PLXNA4: variants seen among roughly 807,000 people sequenced by gnomAD.
The protein encoded by PLXNA4 is plexin A4, also known as plexin-A4.
A neutral mutation model predicts 191.8 loss-of-function variants in PLXNA4; 44 were observed. That is an observed-to-expected ratio of 0.23 (90% CI 0.18 to 0.29). The LOEUF (loss-of-function observed/expected upper bound fraction) is 0.29. Among genes scored for constraint, PLXNA4 ranks in the 10% least tolerant of loss-of-function variants. PLXNA4 has a pLI of 1.00. For synonymous variants in PLXNA4, 1,082 were observed against 1,009.5 expected, an observed-to-expected ratio of 1.07 and a Z score of -1.36; for missense variants, 1,800 against 2,488.8, an observed-to-expected ratio of 0.72 and a Z score of 5.89.
intron 3 of PLXNA4, among the ~76,000 whole-genome samples, chr7:132,418,448 C>A (rs1187856669): frequency 6.6e-6 from 1 of 152,202 alleles, no homozygotes; most frequent in Non-Finnish European, 1.5e-5. Context: ...GGATCCAGCC[C>A]AGCTTAGCTC....
chr7:132,456,026 G>A (rs1052012232), intron 3 of PLXNA4, among the ~76,000 whole-genome samples: 3 of 152,208 alleles, frequency 2.0e-5, no homozygotes, highest in Non-Finnish European at 2.9e-5. Context: ...ACAGGGCGCC[G>A]GTGGGAGGGC....
At chr7:132,381,974 T>C (rs1804913083) in intron 3 of PLXNA4, among the ~76,000 whole-genome samples, 1 of 152,112 alleles carries the variant, frequency 6.6e-6, no homozygotes, top group South Asian at 2.1e-4. Context: ...CCAGTTTCTC[T>C]CAATCAATTA....
At chr7:132,469,286 T>C (rs1169607778) in intron 3 of PLXNA4, among the ~76,000 whole-genome samples, 1 of 152,164 alleles carries the variant, frequency 6.6e-6, no homozygotes, top group Non-Finnish European at 1.5e-5. Flanking sequence ...TTAGGGTAAA[T>C]TGGAGCAAAA....
At chr7:132,421,777 A>T (rs113756483) in intron 3 of PLXNA4, among the ~76,000 whole-genome samples, 240 of 152,270 alleles carry the variant, frequency 1.6e-3, no homozygotes, top group East Asian at 4.6e-3. Context: ...TAGTATCCCA[A>T]ATAAACCCTA....
intron 4 of PLXNA4, among the ~76,000 whole-genome samples, chr7:132,250,596 T>C (rs866212889): frequency 2.3e-4 from 35 of 152,178 alleles, no homozygotes; most frequent in Non-Finnish European, 1.0e-4. Context: ...CTTCCAGGGC[T>C]GCGGGGTTGC....
intron 5 of PLXNA4, among the ~76,000 whole-genome samples, chr7:132,235,728 T>C (rs1384177888): frequency 6.6e-6 from 1 of 152,128 alleles, no homozygotes; most frequent in Non-Finnish European, 1.5e-5. Context: ...CTGCTGAGAC[T>C]GAGACAGGCT....
At position 132,146,704 on chromosome 7, in the gene PLXNA4, C is replaced by T. The variant is rs1207057945; in HGVS notation, c.4865-4G>A. Reference sequence around the variant, plus strand: ...CCCGTGTACCGGATCATGTTTTCTGCCAAGGCAAGGATCACCCCCCGACAT... The same window carrying T: ...CCCGTGTACCGGATCATGTTTTCTGTCAAGGCAAGGATCACCCCCCGACAT... On this transcript the variant is annotated splice_region_variant and splice_polypyrimidine_tract_variant and intron_variant, in intron 27 of 31. Transcript: ENST00000321063. 4.3e-6 allele frequency: 7 copies of T among 1,613,730 alleles called. No homozygotes were observed. Among genetic ancestry groups the T allele is most frequent in the African/African-American group, 1.3e-5 (1 of 74,934 alleles).
In PLXNA4 at chr7:132,594,949, AG is replaced by A. The variant is rs1249213674; in HGVS notation, c.-87+50978del. ...TAGATAGATAGATAGATAGATAGAT[AG>A]ATAGATAGATAGATAATTGATAGAT... is the stretch of plus-strand genomic sequence containing the variant. On this transcript the variant is annotated intron_variant, in intron 2 of 4. Coordinates refer to the PLXNA4 transcript ENST00000378539. 7.6e-4 allele frequency among the ~76,000 whole-genome samples: 100 copies of A among 131,526 alleles called. 1 individual carries two copies. The highest frequency in any genetic ancestry group is 2.2e-3 in the African/African-American group (79 of 36,194). The allele number at this position is 131,526 out of a possible 152,430, so 86.3% of individuals were successfully genotyped here.
At chr7:132,198,744 C>G in intron 12 of PLXNA4, 108 bp from the exon 13 acceptor site, 1 of 1,509,652 alleles carries the variant, frequency 6.6e-7, no homozygotes, top group Non-Finnish European at 8.8e-7. Context: ...CCCAGAGTCC[C>G]TGAGTGGCTT....
intron 2 of PLXNA4, among the ~76,000 whole-genome samples, chr7:132,642,602 C>T (rs1367485413): frequency 6.6e-6 from 1 of 152,030 alleles, no homozygotes; most frequent in Non-Finnish European, 1.5e-5. Context: ...AACGACAGGG[C>T]ACAGAGCAGA....
chr7:132,277,418 A>T (rs745548784), intron 4 of PLXNA4, among the ~76,000 whole-genome samples: 5 of 152,198 alleles, frequency 3.3e-5, no homozygotes, highest in Non-Finnish European at 7.3e-5. Context: ...CAAGCCAATT[A>T]TAAGCCCTGG....
chr7:132,241,419 T>C (rs1021969817), intron 4 of PLXNA4, among the ~76,000 whole-genome samples: 1 of 152,232 alleles, frequency 6.6e-6, no homozygotes, highest in African/African-American at 2.4e-5. Flanking sequence ...ATACAGTCCA[T>C]ACTAAGTTGT....
At chr7:132,521,203 T>A (rs80054559) in intron 1 of PLXNA4, among the ~76,000 whole-genome samples, 13,133 of 131,028 alleles carry the variant, frequency 0.1, 745 homozygotes, top group Non-Finnish European at 0.14. Context: ...AAAAAAAAAA[T>A]TCAGAATGAC....
At chr7:132,343,403 T>C (rs1279519665) in intron 3 of PLXNA4, among the ~76,000 whole-genome samples, 1 of 152,226 alleles carries the variant, frequency 6.6e-6, no homozygotes, top group Non-Finnish European at 1.5e-5. Context: ...ACTGCTCCCC[T>C]TTCCCCTCCC....
At chr7:132,354,624 T>C (rs190163437) in intron 3 of PLXNA4, among the ~76,000 whole-genome samples, 8 of 152,328 alleles carry the variant, frequency 5.3e-5, no homozygotes, top group African/African-American at 1.9e-4. Flanking sequence ...GTGTGTGTCC[T>C]AATGTACCCC....
intron 3 of PLXNA4, among the ~76,000 whole-genome samples, chr7:132,365,072 C>T (rs1686926326): frequency 6.6e-6 from 1 of 152,154 alleles, no homozygotes; most frequent in East Asian, 1.9e-4. Flanking sequence ...CCTACCAGGG[C>T]TCCTGAGAGC....
At chr7:132,470,839 G>T (rs964148295) in intron 3 of PLXNA4, among the ~76,000 whole-genome samples, 8 of 152,160 alleles carry the variant, frequency 5.3e-5, no homozygotes, top group African/African-American at 9.7e-5. Flanking sequence ...TTATCTCCTA[G>T]AACCTCCAAA....
chr7:132,328,858 G>A lies in PLXNA4; in HGVS notation c.1372-30636C>T, dbSNP rs369305855. Among the ~76,000 whole-genome samples, 7 of 152,210 alleles carry A rather than the reference G, an allele frequency of 4.6e-5. No homozygotes were observed. In the East Asian group the frequency reaches 7.7e-4, roughly 17 times the overall value. On this transcript the variant is annotated intron_variant, in intron 3 of 31. Coordinates refer to ENST00000321063, the MANE Select transcript of PLXNA4 (RefSeq NM_020911.2). Reference sequence around the variant, plus strand: ...TCCTGCTCATGGCAACTCTGAGAGGGAGAGACCATTGCATATGAGGAGGGG... The same window carrying A: ...TCCTGCTCATGGCAACTCTGAGAGGAAGAGACCATTGCATATGAGGAGGGG...
At chr7:132,219,798 T>A (rs114655901) in intron 9 of PLXNA4, among the ~76,000 whole-genome samples, 1 of 152,200 alleles carries the variant, frequency 6.6e-6, no homozygotes, top group Non-Finnish European at 1.5e-5. Flanking sequence ...GTTTTTACCA[T>A]GCTTTTTCTA....
Sources: allele counts gnomAD v4.1 joint callset (sites outside exome capture counted in the v4.1 genomes callset), GRCh38; gene constraint gnomAD v4.1.1; transcripts MANE v1.5; gene names NCBI Gene and HGNC (gene_info 2026-07-23, HGNC 2026-07-21).